The following VPS13A variants were observed in gnomAD, a reference collection of about 807,000 sequenced individuals.
The protein encoded by VPS13A is intermembrane lipid transfer protein VPS13A.
Under a neutral mutation model 390.9 loss-of-function variants are expected in VPS13A, and 264 were observed. That is an observed-to-expected ratio of 0.68 (90% CI 0.61 to 0.75). The LOEUF is 0.75. Among genes scored for constraint, VPS13A ranks in the 30% least tolerant of loss-of-function variants. VPS13A has a pLI of 0.00. For synonymous variants in VPS13A, 1,231 were observed against 1,227.1 expected (o/e 1.00, Z -0.07); for missense variants, 3,409 against 3,733.9 (o/e 0.91, Z 2.27).
intron 33 of VPS13A, among the ~76,000 whole-genome samples, chr9:77,299,846 A>G (rs150400773): frequency 9.2e-4 from 140 of 152,236 alleles, no homozygotes; most frequent in African/African-American, 3.1e-3. Context: ...ATACCACCAC[A>G]TGTTCTCACT....
chr9:77,243,946 T>C (rs1477254971), intron 19 of VPS13A, among the ~76,000 whole-genome samples: 1 of 152,138 alleles, frequency 6.6e-6, no homozygotes, highest in Non-Finnish European at 1.5e-5. Flanking sequence ...CTTTAAAGAA[T>C]GTAACAAGAG....
chr9:77,265,487 C>T (rs1446880163), intron 23 of VPS13A, among the ~76,000 whole-genome samples: 1 of 152,108 alleles, frequency 6.6e-6, no homozygotes, highest in Non-Finnish European at 1.5e-5. Context: ...TGTTATTGGT[C>T]TATTCAGGGA....
Position 77,314,120 on chromosome 9 carries a change from G to T in VPS13A, c.4242+1G>T, listed in dbSNP as rs754245019. 7 of 1,612,840 alleles carry T rather than the reference G, an allele frequency of 4.3e-6. No individual in the cohort carries two copies. In the East Asian group the frequency reaches 6.7e-5, roughly 15 times the overall value. On this transcript the variant is annotated splice_donor_variant, in intron 36 of 71. Coordinates refer to ENST00000360280, the MANE Select transcript of VPS13A (RefSeq NM_033305.3). LOFTEE classifies it high-confidence loss of function. ...GCTGTATAGTCCAGGTCCTAAACAG[G>T]TAAGTCCAGGAAGAAAAGAAAATGT...
At chr9:77,187,287 A>G (rs1007426015) in intron 1 of VPS13A, among the ~76,000 whole-genome samples, 5 of 152,092 alleles carry the variant, frequency 3.3e-5, no homozygotes, top group African/African-American at 7.2e-5. Context: ...TCCATTATCA[A>G]TTTTTTTGAG....
At chr9:77,345,280 T>G (rs1204531134) in intron 52 of VPS13A, 138 bp downstream of exon 52, 1 of 988,356 alleles carries the variant, frequency 1.0e-6, no homozygotes, top group African/African-American at 1.6e-5. Context: ...CATTAAAAAA[T>G]GTACTTGAAG....
At chr9:77,303,951 C>A (rs938106371) in intron 34 of VPS13A, among the ~76,000 whole-genome samples, 4 of 152,098 alleles carry the variant, frequency 2.6e-5, no homozygotes, top group African/African-American at 9.7e-5. Context: ...TCCTCTATCT[C>A]AACTGCAAGA....
chr9:77,285,537 A>T (rs1162196244), intron 31 of VPS13A, among the ~76,000 whole-genome samples: 1 of 152,248 alleles, frequency 6.6e-6, no homozygotes, highest in Non-Finnish European at 1.5e-5. Context: ...GGCTTAAAAA[A>T]ATCCAATTTT....
chr9:77,366,254 A>C (rs1022503487), intron 60 of VPS13A, among the ~76,000 whole-genome samples: 2 of 152,040 alleles, frequency 1.3e-5, no homozygotes, highest in African/African-American at 2.4e-5. Context: ...CATCTAACAC[A>C]ATGCCTATTT....
At chr9:77,251,079 T>G (rs1825125512) in intron 21 of VPS13A, among the ~76,000 whole-genome samples, 1 of 152,202 alleles carries the variant, frequency 6.6e-6, no homozygotes, top group African/African-American at 2.4e-5. Flanking sequence ...AATTGTTAAT[T>G]TGTATAGGAC....
intron 17 of VPS13A, among the ~76,000 whole-genome samples, chr9:77,232,484 A>G (rs982088742): frequency 2.0e-5 from 3 of 152,092 alleles, no homozygotes; most frequent in African/African-American, 7.2e-5. Context: ...CCTTCTTTAA[A>G]TATTTTGTAG....
chr9:77,372,920 A>G (rs1297904463), intron 67 of VPS13A, among the ~76,000 whole-genome samples: 1 of 151,848 alleles, frequency 6.6e-6, no homozygotes, highest in Non-Finnish European at 1.5e-5. Flanking sequence ...TAGGAATCCA[A>G]CTTACAAGGG....
rs1830176554 is a variant in VPS13A, at chr9:77,329,543, C to G, written c.5992-2467C>G. Among the ~76,000 whole-genome samples the G allele has an allele frequency of 2.0e-5, 3 of 152,142 alleles. No homozygotes were observed. The South Asian group carries it at 6.2e-4, about 32-fold the overall frequency. The stretch of plus-strand genomic sequence containing the variant: ...AAGAGGGAGAAAGTGGGGAGAATGT[C>G]CAATTTGTGGAGCAGTGAGAACACA... On this transcript the variant is annotated intron_variant, in intron 45 of 71. Coordinates refer to ENST00000360280, the MANE Select transcript of VPS13A (RefSeq NM_033305.3).
At chr9:77,328,743 T>G (rs1176703399) in intron 45 of VPS13A, among the ~76,000 whole-genome samples, 1 of 152,202 alleles carries the variant, frequency 6.6e-6, no homozygotes, top group African/African-American at 2.4e-5. Flanking sequence ...TCTCTCAGCC[T>G]TCATACAATT....
At position 77,283,449 on chromosome 9, in the gene VPS13A, C is replaced by G. The variant is rs1343527022; in HGVS notation, c.3213C>G (p.Asn1071Lys). ...LQIFIQDQKCNISEIKIEGLD... is the reference protein window; with the variant it reads ...LQIFIQDQKCKISEIKIEGLD... ...TCTTTATTCAAGATCAGAAATGTAA[C>G]ATTTCTGAAATTAAGATTGAAGGTA... Residue 1071 changes from asparagine to lysine, a missense_variant, in exon 30 of 72, where the codon AAC becomes AAG. Physicochemically the swap from Asn to Lys is moderately conservative, Grantham distance 94. Transcript: ENST00000360280. 1 of 1,604,774 alleles carries G rather than the reference C, an allele frequency of 6.2e-7. No homozygotes were observed. Among genetic ancestry groups the G allele is most frequent in the African/African-American group, 1.3e-5 (1 of 74,650 alleles).
chr9:77,315,762 C>G (rs938133695), intron 38 of VPS13A, among the ~76,000 whole-genome samples: 4 of 152,014 alleles, frequency 2.6e-5, no homozygotes, highest in Non-Finnish European at 4.4e-5. Context: ...AAAAAACAAG[C>G]AGAGCAAATA....
intron 5 of VPS13A, among the ~76,000 whole-genome samples, chr9:77,206,540 A>G (rs1825651616): frequency 6.6e-6 from 1 of 152,090 alleles, no homozygotes; most frequent in Non-Finnish European, 1.5e-5. Flanking sequence ...CTGGCTTCAC[A>G]TATTTTCCAA....
intron 41 of VPS13A, 89 bp downstream of exon 41, chr9:77,318,680 T>C (rs1829549301): frequency 1.6e-6 from 2 of 1,258,138 alleles, no homozygotes; most frequent in South Asian, 1.2e-5. Flanking sequence ...TTATGGAATC[T>C]TGTGTAGCTA....
intron 10 of VPS13A, among the ~76,000 whole-genome samples, chr9:77,215,717 C>G (rs1028529324): frequency 2.6e-5 from 4 of 152,230 alleles, no homozygotes; most frequent in East Asian, 3.8e-4. Flanking sequence ...GGGTCCCCCT[C>G]CTTCAGGACT....
chr9:77,409,034 G>C (rs1028974336), intron 71 of VPS13A, among the ~76,000 whole-genome samples: 1 of 152,188 alleles, frequency 6.6e-6, no homozygotes, highest in Non-Finnish European at 1.5e-5. Context: ...GCCTAACTGG[G>C]AGGCACCCCC....
Sources: allele counts gnomAD v4.1 joint callset (sites outside exome capture counted in the v4.1 genomes callset), GRCh38; gene constraint gnomAD v4.1.1; transcripts MANE v1.5; gene names NCBI Gene and HGNC (gene_info 2026-07-23, HGNC 2026-07-21).